Variants in SIK3 observed in about 807,000 individuals in gnomAD.
The protein encoded by SIK3 is serine/threonine-protein kinase SIK3.
Under a neutral mutation model 144.2 loss-of-function variants are expected in SIK3, and 28 were observed. The ratio of observed to expected loss-of-function variants is 0.19; its 90% CI spans 0.14 to 0.27. The LOEUF (loss-of-function observed/expected upper bound fraction) is 0.27. Among genes scored for constraint, SIK3 ranks in the 10% least tolerant of loss-of-function variants. SIK3 has a pLI of 1.00. For missense variants in SIK3, 1,319 were observed against 1,776.0 expected (o/e 0.74, Z 4.62); for synonymous variants, 686 against 676.3 (o/e 1.01, Z -0.22).
At chr11:116,967,930 T>C (rs1949620544) in intron 1 of SIK3, among the ~76,000 whole-genome samples, 1 of 152,192 alleles carries the variant, frequency 6.6e-6, no homozygotes, top group Non-Finnish European at 1.5e-5. Context: ...TGGGATTCCT[T>C]CAAAATGGAA....
chr11:116,846,641 C>T lies in SIK3; in HGVS notation c.3953-88G>A. On this transcript the variant is annotated intron_variant, in intron 23 of 24. Transcript: ENST00000445177. The surrounding 1 kb of genome is among the most constrained non-coding windows in gnomAD (Gnocchi z 4.1). The stretch of plus-strand genomic sequence containing the variant: ...GAGAGAGAGGAGGAATTGAAGGCAA[C>T]CTGTCGAGCATCCCACAGCCTGACT... 6.8e-7 allele frequency: 1 copy of T among 1,479,790 alleles called. No individual in the cohort carries two copies. The allele number at this position is 1,479,790 out of a possible 1,614,324, so 91.7% of individuals were successfully genotyped here.
intron 1 of SIK3, among the ~76,000 whole-genome samples, chr11:117,097,246 G>A (rs937281518): frequency 2.0e-5 from 3 of 152,094 alleles, no homozygotes; most frequent in African/African-American, 7.2e-5. Flanking sequence ...CTAAGGGCTC[G>A]ATGAGTGTAA....
chr11:117,058,253 G>A (rs756079889), intron 1 of SIK3, among the ~76,000 whole-genome samples: 2 of 152,086 alleles, frequency 1.3e-5, no homozygotes, highest in Non-Finnish European at 2.9e-5. Flanking sequence ...CAGGTGCAGT[G>A]GCTCACACCT....
At chr11:117,086,866 G>A (rs771908536) in intron 1 of SIK3, among the ~76,000 whole-genome samples, 21 of 151,826 alleles carry the variant, frequency 1.4e-4, no homozygotes, top group East Asian at 3.9e-4. Flanking sequence ...GTGGTGGCAC[G>A]TGCCTGTAAT....
intron 1 of SIK3, among the ~76,000 whole-genome samples, chr11:117,015,380 C>T (rs7119185): frequency 0.32 from 48,030 of 151,902 alleles, 8,655 homozygotes; most frequent in African/African-American, 0.5. Flanking sequence ...TGGTGAGTAC[C>T]TTAAACTGCT....
At chr11:116,977,645 T>C (rs1440551740) in intron 1 of SIK3, among the ~76,000 whole-genome samples, 2 of 152,146 alleles carry the variant, frequency 1.3e-5, no homozygotes, top group Non-Finnish European at 2.9e-5. Flanking sequence ...AGAGTGCTTC[T>C]GCTCCTGAAC....
At chr11:116,941,252 C>T (rs1183705731) in intron 3 of SIK3, among the ~76,000 whole-genome samples, 2 of 152,056 alleles carry the variant, frequency 1.3e-5, no homozygotes, top group Non-Finnish European at 2.9e-5. Context: ...GTGATCCGCC[C>T]GCCTCAGCCT....
At chr11:117,035,782 T>A in intron 1 of SIK3, 1 of 1,395,112 alleles carries the variant, frequency 7.2e-7, no homozygotes, top group Non-Finnish European at 1.0e-6. Flanking sequence ...CCACTCATCT[T>A]GATTCAGAGT....
intron 1 of SIK3, among the ~76,000 whole-genome samples, chr11:117,063,131 T>C (rs1368549624): frequency 6.6e-6 from 1 of 152,232 alleles, no homozygotes; most frequent in Non-Finnish European, 1.5e-5. Flanking sequence ...ATGTATTACA[T>C]GTATATCTGC....
intron 1 of SIK3, among the ~76,000 whole-genome samples, chr11:117,047,601 G>A (rs1461751722): frequency 6.6e-6 from 1 of 152,180 alleles, no homozygotes; most frequent in Admixed American, 6.5e-5. Flanking sequence ...TGGTTCTAAA[G>A]CACCAGACTT....
rs989466801 is a variant in SIK3, at chr11:116,976,096, T to A, written c.274-19032A>T. 1.3e-5 allele frequency among the ~76,000 whole-genome samples: 2 copies of A among 152,252 alleles called. 1 individual carries two copies. Among genetic ancestry groups the A allele is most frequent in the Admixed American group, 1.3e-4 (2 of 15,288 alleles). On this transcript the variant is annotated intron_variant, in intron 1 of 24. Coordinates refer to ENST00000445177, the MANE Select transcript of SIK3 (RefSeq NM_001366686.3). ...ATTGAGTTATAAAAGTTTTTATATA[T>A]TCTAGATACAAGTCCCTTATCAGAT...
intron 1 of SIK3, among the ~76,000 whole-genome samples, chr11:117,033,339 C>T (rs777485446): frequency 4.0e-4 from 61 of 152,212 alleles, no homozygotes; most frequent in South Asian, 1.0e-3. Flanking sequence ...CATAAAACTC[C>T]AATATTCTTC....
chr11:116,919,760 A>T (rs1946861113), intron 4 of SIK3, among the ~76,000 whole-genome samples: 1 of 152,246 alleles, frequency 6.6e-6, no homozygotes, highest in African/African-American at 2.4e-5. Flanking sequence ...ATAGCTTAAT[A>T]TAATCCATCA....
At chr11:117,055,073 G>A (rs1448103308) in intron 1 of SIK3, among the ~76,000 whole-genome samples, 1 of 152,130 alleles carries the variant, frequency 6.6e-6, no homozygotes, top group Admixed American at 6.5e-5. Flanking sequence ...TGGAGAAATG[G>A]AGGCTTAAAG....
chr11:117,029,963 A>G (rs749804948), intron 1 of SIK3, among the ~76,000 whole-genome samples: 3 of 151,888 alleles, frequency 2.0e-5, no homozygotes, highest in Non-Finnish European at 4.4e-5. Flanking sequence ...AAGAATATAC[A>G]TAGAGAGAAG....
chr11:116,857,508 T>A, intron 21 of SIK3: 1 of 362,924 alleles, frequency 2.8e-6, no homozygotes, highest in Non-Finnish European at 4.9e-6. Context: ...AAGTTTAAAG[T>A]TAGCTGTTTG....
intron 13 of SIK3, 80 bp downstream of exon 13, chr11:116,873,401 C>G (rs1419095368): frequency 1.9e-5 from 31 of 1,599,084 alleles, no homozygotes; most frequent in Non-Finnish European, 2.6e-5. Flanking sequence ...TAGGTTGGCC[C>G]TGGGTTCCCA....
At chr11:117,023,787 C>T (rs1235448661) in intron 1 of SIK3, among the ~76,000 whole-genome samples, 1 of 151,702 alleles carries the variant, frequency 6.6e-6, no homozygotes, top group Admixed American at 6.6e-5. Flanking sequence ...AGTGATTCTC[C>T]CACTTCAGCC....
At chr11:117,095,610 C>T (rs754489537) in intron 1 of SIK3, among the ~76,000 whole-genome samples, 1 of 152,140 alleles carries the variant, frequency 6.6e-6, no homozygotes, top group Non-Finnish European at 1.5e-5. Context: ...TACTGTATGT[C>T]GACAGCTGTT....
Sources: gnomAD v4.1 joint callset for allele counts (sites outside exome capture counted in the v4.1 genomes callset) on GRCh38, gnomAD v4.1.1 for gene constraint, Gnocchi (gnomAD v3.1) non-coding constraint, MANE v1.5 for transcripts, NCBI Gene and HGNC (gene_info 2026-07-23, HGNC 2026-07-21) for gene names.